ZPR1: variants seen among roughly 807,000 people sequenced by gnomAD.
The protein encoded by ZPR1 is ZPR1 zinc finger, also known as zinc finger protein ZPR1.
In ZPR1, 37 loss-of-function variants were observed where a neutral mutation model predicts 59.6. The ratio of observed to expected loss-of-function variants is 0.62; its 90% CI spans 0.48 to 0.82. The LOEUF is 0.82. ZPR1 is among the 40% of genes least tolerant of loss of function. The pLI is 0.00. For synonymous variants in ZPR1, 191 were observed against 215.2 expected, an observed-to-expected ratio of 0.89 and a Z score of 0.99; for missense variants, 527 against 579.9, an observed-to-expected ratio of 0.91 and a Z score of 0.94.
At chr11:116,785,181 G>A (rs185200792) in intron 6 of ZPR1, 35 bp from the exon 7 acceptor site, 1 of 1,612,544 alleles carries the variant, frequency 6.2e-7, no homozygotes, top group South Asian at 1.1e-5. Flanking sequence ...CAAGTTGGCA[G>A]GTATACCTCA....
intron 9 of ZPR1, 89 bp downstream of exon 9, chr11:116,784,286 GCCC>G: frequency 3.0e-6 from 4 of 1,338,242 alleles, no homozygotes; most frequent in Non-Finnish European, 4.3e-6. Flanking sequence ...TACACCCCCT[GCCC>G]CCGAGTACTG....
chr11:116,785,851 T>C lies in ZPR1; in HGVS notation c.527A>G (p.Asp176Gly), dbSNP rs528480455. Residue 176 changes from aspartate (D) to glycine (G), a missense_variant, in exon 5 of 14, where the codon GAT (aspartate) becomes GGT (glycine). Asp to Gly is a moderately conservative substitution (Grantham distance 94). Coordinates refer to ENST00000227322, the MANE Select transcript of ZPR1 (RefSeq NM_003904.5). Reference sequence around the variant, plus strand: ...CTCCTTCAGTTTGACAATGAACTCATCAATTCTTTCAGCTGTAGCATCTTT... The same window carrying C: ...CTCCTTCAGTTTGACAATGAACTCACCAATTCTTTCAGCTGTAGCATCTTT... ...ANKDATAERI[D>G]EFIVKLKELK... The C allele has an allele frequency of 2.1e-5, 34 of 1,614,184 alleles. No individual in the cohort carries two copies. The African/African-American group carries it at 3.1e-4, about 15-fold the overall frequency.
rs1003569523 is a variant in ZPR1, at chr11:116,777,773, G to A, written c.*1152C>T. 1 of 152,116 alleles carries A rather than the reference G, an allele frequency of 6.6e-6. No homozygotes were observed. Among genetic ancestry groups the A allele is most frequent in the African/African-American group, 2.4e-5 (1 of 41,400 alleles). The allele number at this position is 152,116 out of a possible 1,614,324, so 9.4% of individuals were successfully genotyped here. Reference sequence around the variant, plus strand: ...AAATACCCTGCAGTCTGCACCACAGGAGTCACCTTTTGTTTATGAGAGGCA... The same window carrying A: ...AAATACCCTGCAGTCTGCACCACAGAAGTCACCTTTTGTTTATGAGAGGCA... On this transcript the variant is annotated 3_prime_UTR_variant, in exon 14 of 14. Coordinates refer to ENST00000227322, the MANE Select transcript of ZPR1 (RefSeq NM_003904.5).
intron 6 of ZPR1, 91 bp from the exon 7 acceptor site, chr11:116,785,237 C>T: frequency 2.1e-6 from 3 of 1,437,840 alleles, no homozygotes; most frequent in South Asian, 2.3e-5. Flanking sequence ...GCTCAGGTGC[C>T]ACCTCATCAG....
rs1275597720 is a variant in ZPR1 at position 116,774,035 on chromosome 11, A to C, written c.*4890T>G. 6.6e-6 allele frequency: 1 copy of C among 152,272 alleles called. No individual in the cohort carries two copies. The highest frequency in any genetic ancestry group is 2.4e-5 in the African/African-American group (1 of 41,556). The allele number at this position is 152,272 out of a possible 1,614,324, so 9.4% of individuals were successfully genotyped here. ...TCATCCAAATTTCTTGAAATACCAG[A>C]TCTTTTTACCTCATCATATATGTTA... is the stretch of plus-strand genomic sequence containing the variant. On this transcript the variant is annotated 3_prime_UTR_variant, in exon 14 of 14. Coordinates refer to ENST00000227322, the MANE Select transcript of ZPR1 (RefSeq NM_003904.5).
chr11:116,784,958 C>A, intron 7 of ZPR1, 37 bp from the exon 8 acceptor site: 1 of 1,613,024 alleles, frequency 6.2e-7, no homozygotes, highest in South Asian at 1.1e-5. Context: ...TGAGCCCTCC[C>A]AGATGGGATG....
Position 116,778,882 on chromosome 11 carries a change from CAG to C in ZPR1, c.*41_*42del, listed in dbSNP as rs768264358. Reference sequence around the variant, plus strand: ...TCATCCAATACTAATAAATAACCTACAGAAAGAGCAGCGCTGGAGGCTGGCCC... The same window carrying C: ...TCATCCAATACTAATAAATAACCTACAAAGAGCAGCGCTGGAGGCTGGCCC... On this transcript the variant is annotated 3_prime_UTR_variant, in exon 14 of 14. Transcript: ENST00000227322. 4 of 1,600,622 alleles carry C rather than the reference CAG, an allele frequency of 2.5e-6. No homozygotes were observed. Among genetic ancestry groups the C allele is most frequent in the Non-Finnish European group, 3.4e-6 (4 of 1,175,686 alleles).
In ZPR1 at chr11:116,775,813, T is replaced by C. The variant is rs1442360449; in HGVS notation, c.*3112A>G. ...ACTAAACTGAGGTGAACGCACAAAA[T>C]AAGCAGCTTTTTCTCTCCACAGTTG... On this transcript the variant is annotated 3_prime_UTR_variant, in exon 14 of 14. Coordinates refer to ENST00000227322, the MANE Select transcript of ZPR1 (RefSeq NM_003904.5). 1.8e-5 allele frequency: 3 copies of C among 166,210 alleles called. No homozygotes were observed. Among genetic ancestry groups the C allele is most frequent in the South Asian group, 4.1e-4 (2 of 4,820 alleles). 10.3% of individuals were successfully genotyped at this position (166,210 alleles called of 1,614,324 possible).
chr11:116,784,454 A>G lies in ZPR1; in HGVS notation c.821-6T>C. ...CTCCTTAAAGTGAGGGATTTCTGGA[A>G]AACGGAGTTAAGGAAATCTACTTCC... On this transcript the variant is annotated splice_region_variant and splice_polypyrimidine_tract_variant and intron_variant, in intron 8 of 13. Coordinates refer to ENST00000227322, the MANE Select transcript of ZPR1 (RefSeq NM_003904.5). The G allele has an allele frequency of 6.2e-7, 1 of 1,614,078 alleles. No homozygotes were observed. Among genetic ancestry groups the G allele is most frequent in the Non-Finnish European group, 8.5e-7 (1 of 1,179,936 alleles).
chr11:116,787,126 G>T, intron 2 of ZPR1, 67 bp from the exon 3 acceptor site: 1 of 1,390,220 alleles, frequency 7.2e-7, no homozygotes, highest in South Asian at 1.2e-5. Context: ...GTAATAACCA[G>T]ACCGTCCCCT....
Position 116,775,009 on chromosome 11 carries a change from A to C in ZPR1, c.*3916T>G, listed in dbSNP as rs1023477357. ...ACCCTGTGCTGCAGGGCAGTTAAGCAGGATCAGATGCCGTGCCAATGGCCT... is the reference window on the plus strand; with the variant it reads ...ACCCTGTGCTGCAGGGCAGTTAAGCCGGATCAGATGCCGTGCCAATGGCCT... On this transcript the variant is annotated 3_prime_UTR_variant, in exon 14 of 14. Coordinates refer to ENST00000227322, the MANE Select transcript of ZPR1 (RefSeq NM_003904.5). 6.6e-6 allele frequency: 1 copy of C among 152,358 alleles called. No homozygotes were observed. Among genetic ancestry groups the C allele is most frequent in the Non-Finnish European group, 1.5e-5 (1 of 68,120 alleles). 9.4% of individuals were successfully genotyped at this position (152,358 alleles called of 1,614,324 possible). A position where few individuals can be genotyped will look rare whatever the true frequency, so the allele number is the denominator to read the frequency against.
rs1251177835 is a variant in ZPR1 at position 116,775,745 on chromosome 11, C to A, written c.*3180G>T. 2 of 165,224 alleles carry A rather than the reference C, an allele frequency of 1.2e-5. No individual in the cohort carries two copies. The highest frequency in any genetic ancestry group is 2.1e-4 in the South Asian group (1 of 4,658). The allele number at this position is 165,224 out of a possible 1,614,324, so 10.2% of individuals were successfully genotyped here. A position where few individuals can be genotyped will look rare whatever the true frequency, so the allele number is the denominator to read the frequency against. ...GGATAATTTTGTTTATCCTAATTATCCCCATTTTACAGACTAGGAAAACAA... is the reference window on the plus strand; with the variant it reads ...GGATAATTTTGTTTATCCTAATTATACCCATTTTACAGACTAGGAAAACAA... On this transcript the variant is annotated 3_prime_UTR_variant, in exon 14 of 14. Coordinates refer to ENST00000227322, the MANE Select transcript of ZPR1 (RefSeq NM_003904.5).
intron 4 of ZPR1, 90 bp from the exon 5 acceptor site, chr11:116,785,972 C>T (rs1171938168): frequency 3.7e-6 from 4 of 1,084,228 alleles, no homozygotes; most frequent in Non-Finnish European, 5.7e-6. Context: ...ATTAGGAAGT[C>T]ACCACCTATC....
intron 4 of ZPR1, among the ~76,000 whole-genome samples, chr11:116,786,126 A>G (rs1940884090): frequency 6.6e-6 from 1 of 152,224 alleles, no homozygotes; most frequent in Non-Finnish European, 1.5e-5. Context: ...CGTTAGAGAT[A>G]TAATAGTATA....
At chr11:116,787,710 C>T in intron 1 of ZPR1, 67 bp from the exon 2 acceptor site, 1 of 1,556,518 alleles carries the variant, frequency 6.4e-7, no homozygotes, top group South Asian at 1.2e-5. Context: ...CTACTATCTC[C>T]GGGCGCTCCT....
Position 116,785,544 on chromosome 11 carries a change from G to A in ZPR1, c.675C>T (p.Thr225=), listed in dbSNP as rs924879701. 4 of 1,614,146 alleles carry A rather than the reference G, an allele frequency of 2.5e-6. No individual in the cohort carries two copies. Among genetic ancestry groups the A allele is most frequent in the Non-Finnish European group, 3.4e-6 (4 of 1,180,030 alleles). Residue 225 remains threonine, a synonymous_variant, in exon 6 of 14, where the codon ACC becomes ACT. Transcript: ENST00000227322. ...GCCCCAGCATCTCTTCCTGCTGTCG[G>A]GTCCGGTTGTAGTGTGTGATCACCA... ...DALVITHYNR[T]RQQEEMLGLQ...
At chr11:116,781,033 A>G (rs1565320415) in intron 12 of ZPR1, among the ~76,000 whole-genome samples, 1 of 152,214 alleles carries the variant, frequency 6.6e-6, no homozygotes, top group Admixed American at 6.5e-5. Context: ...TCCTTGGAAA[A>G]TAAAAGTTTT....
chr11:116,787,335 A>G lies in ZPR1; in HGVS notation c.333+147T>C, dbSNP rs978111975. On this transcript the variant is annotated intron_variant, in intron 2 of 13. Coordinates refer to ENST00000227322, the MANE Select transcript of ZPR1 (RefSeq NM_003904.5). ...AAATCTTATCTCACTTGAGCTGATG[A>G]CAACACCAGTACCATTTTACAAAAG... 3 of 832,198 alleles carry G rather than the reference A, an allele frequency of 3.6e-6. No homozygotes were observed. The South Asian group carries it at 5.4e-5, about 15-fold the overall frequency. The allele number at this position is 832,198 out of a possible 1,614,324, so 51.6% of individuals were successfully genotyped here.
At position 116,784,715 on chromosome 11, in the gene ZPR1, C is replaced by T. The variant is rs144339290; in HGVS notation, c.820+140G>A. On this transcript the variant is annotated intron_variant, in intron 8 of 13. Coordinates refer to ENST00000227322, the MANE Select transcript of ZPR1 (RefSeq NM_003904.5). ...CTCTTTGAACACAAAACCCAAGGTA[C>T]ACAGTCTAATCAAAGATAATATCTT... 4.7e-5 allele frequency: 46 copies of T among 980,778 alleles called. No individual in the cohort carries two copies. In the African/African-American group the frequency reaches 6.4e-4, roughly 14 times the overall value. The allele number at this position is 980,778 out of a possible 1,614,324, so 60.8% of individuals were successfully genotyped here. A position where few individuals can be genotyped will look rare whatever the true frequency, so the allele number is the denominator to read the frequency against.
Sources: allele counts gnomAD v4.1 joint callset (sites outside exome capture counted in the v4.1 genomes callset), GRCh38; gene constraint gnomAD v4.1.1; transcripts MANE v1.5; gene names NCBI Gene and HGNC (gene_info 2026-07-23, HGNC 2026-07-21).